The following CMIP variants were observed in gnomAD, a reference collection of about 807,000 sequenced individuals.
CMIP encodes c-Maf inducing protein, also known as C-Maf-inducing protein.
Under a neutral mutation model 97.3 loss-of-function variants are expected in CMIP, and 13 were observed. That is an observed-to-expected ratio of 0.13 (90% CI 0.09 to 0.21). The LOEUF (loss-of-function observed/expected upper bound fraction) is 0.21. Among genes scored for constraint, CMIP ranks in the 10% least tolerant of loss-of-function variants. The pLI is 1.00. For synonymous variants in CMIP, 538 were observed against 436.3 expected (o/e 1.23, Z -2.91); for missense variants, 847 against 1,024.9 (o/e 0.83, Z 2.37).
chr16:81,645,350 G>T, intron 3 of CMIP: 1 of 1,416,232 alleles, frequency 7.1e-7, no homozygotes, highest in South Asian at 1.4e-5. Flanking sequence ...GAGCATGCGT[G>T]CTTGGGTGTG....
intron 1 of CMIP, among the ~76,000 whole-genome samples, chr16:81,595,034 GTCTCTCTCTC>G (rs60887695): frequency 4.1e-5 from 6 of 145,716 alleles, no homozygotes; most frequent in Admixed American, 1.4e-4. Context: ...ATATCATGTG[GTCTCTCTCTC>G]TCTCTCTCTC....
chr16:81,572,804 C>G (rs542511688), intron 1 of CMIP, among the ~76,000 whole-genome samples: 1 of 152,250 alleles, frequency 6.6e-6, no homozygotes, highest in African/African-American at 2.4e-5. Context: ...GACGGCGGTT[C>G]ACATCGAGCT....
chr16:81,687,199 C>T (rs1195999906), intron 10 of CMIP, among the ~76,000 whole-genome samples: 1 of 151,880 alleles, frequency 6.6e-6, no homozygotes, highest in Admixed American at 6.6e-5. Context: ...GTTCAGCAGT[C>T]CCCTCCCAAG....
intron 1 of CMIP, among the ~76,000 whole-genome samples, chr16:81,604,223 A>G (rs2091703706): frequency 6.6e-6 from 1 of 151,178 alleles, no homozygotes; most frequent in Non-Finnish European, 1.5e-5. Context: ...GTGAAACCCC[A>G]TCTCTACTAA....
chr16:81,484,805 C>G (rs1201826700), intron 1 of CMIP, among the ~76,000 whole-genome samples: 1 of 152,046 alleles, frequency 6.6e-6, no homozygotes, highest in Non-Finnish European at 1.5e-5. Flanking sequence ...CTTTGCCTGC[C>G]CGGGTGTCCT....
intron 3 of CMIP, among the ~76,000 whole-genome samples, chr16:81,633,199 G>C (rs1282689794): frequency 1.3e-5 from 2 of 152,250 alleles, no homozygotes; most frequent in Non-Finnish European, 2.9e-5. Context: ...GTCTTGATGA[G>C]CAAGATCTTT....
intron 2 of CMIP, among the ~76,000 whole-genome samples, chr16:81,612,607 T>A (rs938199851): frequency 6.6e-6 from 1 of 152,120 alleles, no homozygotes; most frequent in African/African-American, 2.4e-5. Context: ...CCTGGGCTGT[T>A]TTTCTCACCT....
At chr16:81,469,573 C>T (rs1349459828) in intron 1 of CMIP, among the ~76,000 whole-genome samples, 7 of 152,196 alleles carry the variant, frequency 4.6e-5, no homozygotes, top group Admixed American at 4.6e-4. Flanking sequence ...TGACTACACC[C>T]AAGGTCTGAG....
chr16:81,661,271 C>T (rs140793302), intron 6 of CMIP, among the ~76,000 whole-genome samples: 128 of 152,344 alleles, frequency 8.4e-4, no homozygotes, highest in African/African-American at 2.9e-3. Flanking sequence ...GGTTCCTCTG[C>T]GCAGTGGCTG....
At chr16:81,677,117 T>C (rs370081913) in intron 9 of CMIP, among the ~76,000 whole-genome samples, 86 of 151,540 alleles carry the variant, frequency 5.7e-4, no homozygotes, top group African/African-American at 1.5e-3. Context: ...CCGCCAGGGG[T>C]GGAGAGCTTT....
rs574093509 is a variant in CMIP at position 81,558,211 on chromosome 16, C to T, written c.301-49356C>T. Among the ~76,000 whole-genome samples, 3 of 152,330 alleles carry T rather than the reference C, an allele frequency of 2.0e-5. No homozygotes were observed. In the South Asian group the frequency reaches 6.2e-4, roughly 32 times the overall value. On this transcript the variant is annotated intron_variant, in intron 1 of 20. Transcript: ENST00000537098. Reference sequence around the variant, plus strand: ...CCGTCCATCAGAGGACACGAGGTTGCTTCCACCTCTCGGCCGTTAGAGATA... The same window carrying T: ...CCGTCCATCAGAGGACACGAGGTTGTTTCCACCTCTCGGCCGTTAGAGATA...
intron 1 of CMIP, among the ~76,000 whole-genome samples, chr16:81,573,528 C>T (rs1255286114): frequency 6.6e-6 from 1 of 151,944 alleles, no homozygotes; most frequent in East Asian, 1.9e-4. Context: ...CTGAGGACAT[C>T]GAAGCTCATA....
chr16:81,698,300 G>A (rs980612967), intron 14 of CMIP, among the ~76,000 whole-genome samples: 8 of 152,158 alleles, frequency 5.3e-5, no homozygotes, highest in African/African-American at 1.2e-4. Flanking sequence ...CCCGGTGACC[G>A]GGGACCCCTG....
chr16:81,498,659 CGT>C (rs1242240570), intron 1 of CMIP, among the ~76,000 whole-genome samples: 3 of 152,324 alleles, frequency 2.0e-5, no homozygotes, highest in East Asian at 1.9e-4. Flanking sequence ...CGAGCACACA[CGT>C]GTGTGCATGC....
chr16:81,572,579 T>C (rs1298816365), intron 1 of CMIP, among the ~76,000 whole-genome samples: 2 of 152,194 alleles, frequency 1.3e-5, no homozygotes, highest in African/African-American at 4.8e-5. Flanking sequence ...TTGCCACCCT[T>C]ATGTTACAGA....
chr16:81,536,136 C>G lies in CMIP; in HGVS notation c.301-71431C>G, dbSNP rs74663141. Among the ~76,000 whole-genome samples the G allele has an allele frequency of 8.3e-3, 1,264 of 152,292 alleles. 16 individuals carry two copies. Among genetic ancestry groups the G allele is most frequent in the African/African-American group, 0.028 (1,175 of 41,532 alleles). On this transcript the variant is annotated intron_variant, in intron 1 of 20. Coordinates refer to ENST00000537098, the MANE Select transcript of CMIP (RefSeq NM_198390.3). Reference sequence around the variant, plus strand: ...AACCAGCCAGTATGAAGATTAATTTCCCTGTAAAACCTTTGAAATCAGGTA... The same window carrying G: ...AACCAGCCAGTATGAAGATTAATTTGCCTGTAAAACCTTTGAAATCAGGTA...
At chr16:81,603,535 C>G (rs923136385) in intron 1 of CMIP, 5 of 440,644 alleles carry the variant, frequency 1.1e-5, no homozygotes, top group African/African-American at 4.1e-5. Context: ...AACTTGTGAA[C>G]CAATATTGAT....
chr16:81,541,051 T>G (rs964706090), intron 1 of CMIP, among the ~76,000 whole-genome samples: 50 of 152,074 alleles, frequency 3.3e-4, no homozygotes, highest in African/African-American at 1.2e-3. Flanking sequence ...ACCCCTCTGT[T>G]AAGTCTTGAT....
chr16:81,605,107 C>T (rs2091719966), intron 1 of CMIP, among the ~76,000 whole-genome samples: 1 of 152,174 alleles, frequency 6.6e-6, no homozygotes, highest in Non-Finnish European at 1.5e-5. Flanking sequence ...GCCCTGGCTT[C>T]TCCGGCAGTG....
Sources: gnomAD v4.1 joint callset for allele counts (sites outside exome capture counted in the v4.1 genomes callset) on GRCh38, gnomAD v4.1.1 for gene constraint, MANE v1.5 for transcripts, NCBI Gene and HGNC (gene_info 2026-07-23, HGNC 2026-07-21) for gene names.